ANO10: variants seen among roughly 807,000 people sequenced by gnomAD.
The protein encoded by ANO10 is anoctamin 10.
ANO10 carries 77 observed loss-of-function variants against 74.7 expected under a neutral mutation model. That is an observed-to-expected ratio of 1.03 (90% CI 0.86 to 1.25). The LOEUF (loss-of-function observed/expected upper bound fraction) is 1.25, where lower values mean the gene tolerates loss of function less well. Ranked by LOEUF, ANO10 falls within the 50% of genes most tolerant of loss-of-function variation. The probability of loss-of-function intolerance (pLI) is 0.00; values close to 1 mark genes in which losing one functional copy is unlikely to be tolerated. For missense variants in ANO10, 721 were observed against 778.1 expected, an observed-to-expected ratio of 0.93 and a Z score of 0.87; for synonymous variants, 279 against 284.9, an observed-to-expected ratio of 0.98 and a Z score of 0.21.
At chr3:43,419,285 T>C (rs1359943993) in intron 12 of ANO10, among the ~76,000 whole-genome samples, 2 of 152,098 alleles carry the variant, frequency 1.3e-5, no homozygotes, top group South Asian at 2.1e-4. Context: ...AAAATCAAGA[T>C]ACAAAGTGGG....
chr3:43,616,156 C>A (rs891918152), intron 1 of ANO10, among the ~76,000 whole-genome samples: 1 of 152,152 alleles, frequency 6.6e-6, no homozygotes, highest in African/African-American at 2.4e-5. Flanking sequence ...CAGGAGACTG[C>A]AAAGCTTCAG....
At chr3:43,371,040 G>C (rs1465793053) in intron 12 of ANO10, among the ~76,000 whole-genome samples, 1 of 152,136 alleles carries the variant, frequency 6.6e-6, no homozygotes, top group Non-Finnish European at 1.5e-5. Flanking sequence ...ACTCCTTCTG[G>C]CTGAGCCCAC....
chr3:43,409,087 C>T (rs1235629853), intron 12 of ANO10, among the ~76,000 whole-genome samples: 1 of 152,086 alleles, frequency 6.6e-6, no homozygotes, highest in Non-Finnish European at 1.5e-5. Context: ...CTGTGCAACA[C>T]CAATATTTTC....
intron 11 of ANO10, among the ~76,000 whole-genome samples, chr3:43,475,256 C>T (rs944634547): frequency 1.3e-5 from 2 of 152,126 alleles, no homozygotes; most frequent in Non-Finnish European, 2.9e-5. Flanking sequence ...AGCTCCTTCT[C>T]GGTCTTGAAC....
chr3:43,527,164 A>G (rs975919686), intron 11 of ANO10, among the ~76,000 whole-genome samples: 1 of 152,034 alleles, frequency 6.6e-6, no homozygotes, highest in African/African-American at 2.4e-5. Flanking sequence ...AGATTTTCAC[A>G]TTGTGTCCAA....
At chr3:43,625,149 A>T (rs1431647581), upstream of ANO10, among the ~76,000 whole-genome samples, 3 of 152,336 alleles carry the variant, frequency 2.0e-5, no homozygotes, top group Admixed American at 6.5e-5. Flanking sequence ...GCTCCCAGAC[A>T]GGGAATGGCT....
intron 11 of ANO10, 37 bp from the exon 12 acceptor site, chr3:43,432,764 T>A (rs931439690): frequency 3.9e-6 from 5 of 1,279,608 alleles, no homozygotes; most frequent in Non-Finnish European, 5.7e-6. Context: ...ATGTGATACA[T>A]CAGACCATAT....
intron 1 of ANO10, among the ~76,000 whole-genome samples, chr3:43,650,133 CG>C (rs1299709344): frequency 3.3e-5 from 5 of 152,138 alleles, no homozygotes; most frequent in African/African-American, 9.7e-5. Context: ...AGGTGACACA[CG>C]GACTTGAAGG....
At chr3:43,671,145 A>C (rs188821255) in intron 1 of ANO10, among the ~76,000 whole-genome samples, 2 of 152,340 alleles carry the variant, frequency 1.3e-5, no homozygotes, top group Admixed American at 1.3e-4. Flanking sequence ...ATTAGGTAGA[A>C]TTTTGAATTC....
At chr3:43,662,579 T>C (rs138774827) in intron 1 of ANO10, among the ~76,000 whole-genome samples, 4 of 150,258 alleles carry the variant, frequency 2.7e-5, no homozygotes, top group Non-Finnish European at 4.4e-5. Flanking sequence ...CTGAAGGAGA[T>C]AGAGACACAA....
intron 12 of ANO10, among the ~76,000 whole-genome samples, chr3:43,381,639 C>T (rs896954546): frequency 1.6e-4 from 25 of 152,308 alleles, no homozygotes; most frequent in African/African-American, 6.0e-4. Context: ...CAATACTCCA[C>T]TGACAGCACT....
chr3:43,586,937 G>A (rs1447779877), intron 4 of ANO10, among the ~76,000 whole-genome samples: 1 of 152,104 alleles, frequency 6.6e-6, no homozygotes, highest in Non-Finnish European at 1.5e-5. Flanking sequence ...ACAAAGACTT[G>A]AAAATACTAC....
intron 11 of ANO10, among the ~76,000 whole-genome samples, chr3:43,462,771 G>A (rs552591813): frequency 1.7e-4 from 26 of 152,202 alleles, no homozygotes; most frequent in Admixed American, 9.8e-4. Flanking sequence ...AGGAAAAAGC[G>A]GTTTTGTGGG....
At chr3:43,567,308 G>T (rs1236390957) in intron 7 of ANO10, among the ~76,000 whole-genome samples, 1 of 151,002 alleles carries the variant, frequency 6.6e-6, no homozygotes, top group Non-Finnish European at 1.5e-5. Flanking sequence ...GCAGGCCAAC[G>T]TTCAGATTCA....
chr3:43,447,718 T>C (rs1186554691), intron 11 of ANO10, among the ~76,000 whole-genome samples: 10 of 152,238 alleles, frequency 6.6e-5, no homozygotes, highest in Non-Finnish European at 1.3e-4. Flanking sequence ...TTAAAGCAGT[T>C]TTAGTTTTGT....
intron 1 of ANO10, among the ~76,000 whole-genome samples, chr3:43,671,556 T>G (rs777954712): frequency 3.3e-5 from 5 of 152,198 alleles, no homozygotes; most frequent in African/African-American, 4.8e-5. Flanking sequence ...GTATAATTTT[T>G]GTTTTAAAGG....
intron 12 of ANO10, among the ~76,000 whole-genome samples, chr3:43,403,962 G>T (rs904109227): frequency 6.6e-6 from 1 of 152,078 alleles, no homozygotes; most frequent in African/African-American, 2.4e-5. Flanking sequence ...TATAAGCAGG[G>T]GCTGGGACTT....
intron 12 of ANO10, among the ~76,000 whole-genome samples, chr3:43,418,615 TG>T (rs1446382379): frequency 2.6e-5 from 4 of 152,258 alleles, no homozygotes; most frequent in African/African-American, 9.6e-5. Flanking sequence ...CCTCCCTTCC[TG>T]GATTGTTGAT....
intron 1 of ANO10, among the ~76,000 whole-genome samples, chr3:43,658,764 A>G (rs938092214): frequency 2.6e-5 from 4 of 152,234 alleles, no homozygotes; most frequent in Admixed American, 6.5e-5. Flanking sequence ...CACCACACCC[A>G]GCCAGTTTAT....
Sources: allele counts gnomAD v4.1 joint callset (sites outside exome capture counted in the v4.1 genomes callset), GRCh38; gene constraint gnomAD v4.1.1; transcripts MANE v1.5; gene names NCBI Gene and HGNC (gene_info 2026-07-23, HGNC 2026-07-21).